DNAAF11: variants seen among roughly 807,000 people sequenced by gnomAD.
DNAAF11 encodes dynein axonemal assembly factor 11.
A neutral mutation model predicts 60.8 loss-of-function variants in DNAAF11; 45 were observed. The ratio of observed to expected loss-of-function variants is 0.74; its 90% CI spans 0.58 to 0.95. DNAAF11 has a LOEUF of 0.95. Ranked by LOEUF, DNAAF11 falls within the 40% of genes least tolerant of loss-of-function variation. The probability of loss-of-function intolerance (pLI) is 0.00; values close to 1 mark genes in which losing one functional copy is unlikely to be tolerated. For synonymous variants in DNAAF11, 191 were observed against 183.5 expected, an observed-to-expected ratio of 1.04 and a Z score of -0.33; for missense variants, 546 against 546.2, an observed-to-expected ratio of 1.00 and a Z score of 0.00.
chr8:132,605,801 GA>G (rs1464240265), intron 10 of DNAAF11, among the ~76,000 whole-genome samples: 3 of 152,126 alleles, frequency 2.0e-5, no homozygotes, highest in Non-Finnish European at 4.4e-5. Context: ...ACATCTTGGG[GA>G]AGGACATTCT....
At chr8:132,640,901 T>C (rs1436687408) in intron 3 of DNAAF11, among the ~76,000 whole-genome samples, 2 of 152,126 alleles carry the variant, frequency 1.3e-5, no homozygotes, top group Non-Finnish European at 2.9e-5. Flanking sequence ...GATAAGAACA[T>C]TTTAAAACAT....
chr8:132,676,498 T>C (rs191299665), upstream of DNAAF11, among the ~76,000 whole-genome samples: 21 of 152,364 alleles, frequency 1.4e-4, no homozygotes, highest in African/African-American at 4.8e-4. Flanking sequence ...TTAAACAGTA[T>C]GGAGTGCGTG....
Position 132,570,761 on chromosome 8 carries a change from C to A in DNAAF11, c.*1545G>T, listed in dbSNP as rs1814106921. Among the ~76,000 whole-genome samples, 1 of 152,224 alleles carries A rather than the reference C, an allele frequency of 6.6e-6. No individual in the cohort carries two copies. Among genetic ancestry groups the A allele is most frequent in the Non-Finnish European group, 1.5e-5 (1 of 68,042 alleles). ...CTGTGTGTCCATCCCATCTTTCTTACCGCAGGCCTGCTGACGAAGGCTGGC... is the reference window on the plus strand; with the variant it reads ...CTGTGTGTCCATCCCATCTTTCTTAACGCAGGCCTGCTGACGAAGGCTGGC... On this transcript the variant is annotated 3_prime_UTR_variant, in exon 12 of 12. Coordinates refer to ENST00000620350, the MANE Select transcript of DNAAF11 (RefSeq NM_012472.6).
At chr8:132,693,603 C>A in the DNAAF11 span, among the ~76,000 whole-genome samples, 152,024 of 152,024 alleles carry the variant, frequency 1, 76,012 homozygotes, top group Non-Finnish European at 1. Context: ...AAGATATAGC[C>A]AACTAATAAA....
At position 132,625,446 on chromosome 8, in the gene DNAAF11, A is replaced by G; in HGVS notation, c.662T>C (p.Leu221Ser). The G allele has an allele frequency of 1.2e-6, 2 of 1,603,686 alleles. No homozygotes were observed. The highest frequency in any genetic ancestry group is 1.7e-4 in the Middle Eastern group (1 of 6,000). ...YTDINATLSS[L>S]ESKDHLQAPD... The stretch of plus-strand genomic sequence containing the variant: ...TGCCTGTAGGTGGTCTTTGCTCTCT[A>G]AAGAGGAACTAGGAAAAACAAATAG... Residue 221 changes from leucine (L) to serine (S), a missense_variant, in exon 6 of 12, where the codon TTA (leucine) becomes TCA (serine). By Grantham distance (145) the Leu-to-Ser change is moderately radical. Transcript: ENST00000620350.
chr8:132,696,843 A>T, the DNAAF11 span, among the ~76,000 whole-genome samples: 18 of 152,192 alleles, frequency 1.2e-4, no homozygotes, highest in African/African-American at 4.3e-4. Context: ...AAATGATGAG[A>T]ACGCATGGAC....
the DNAAF11 span, among the ~76,000 whole-genome samples, chr8:132,701,479 T>C: frequency 1.4e-4 from 22 of 152,286 alleles, 1 homozygote; most frequent in South Asian, 4.1e-3. Flanking sequence ...TGTCTGCCTT[T>C]CTGTTATTCA....
In DNAAF11 at chr8:132,609,386, C is replaced by A. The variant is rs553540915; in HGVS notation, c.1140+780G>T. Among the ~76,000 whole-genome samples the A allele has an allele frequency of 2.7e-5, 4 of 150,424 alleles. No homozygotes were observed. In the South Asian group the frequency reaches 8.4e-4, roughly 32 times the overall value. ...AAAGCCTGTACATGTTCAGTATAGA[C>A]ACACTTCTTTTCCTGAATATTTTTG... On this transcript the variant is annotated intron_variant, in intron 10 of 11. Transcript: ENST00000620350.
chr8:132,696,523 T>C, the DNAAF11 span, among the ~76,000 whole-genome samples: 1 of 152,282 alleles, frequency 6.6e-6, no homozygotes, highest in African/African-American at 2.4e-5. Flanking sequence ...TGTCCATCAA[T>C]TGGTGAATGG....
chr8:132,630,284 T>C (rs770318738), intron 5 of DNAAF11, among the ~76,000 whole-genome samples: 3 of 152,282 alleles, frequency 2.0e-5, no homozygotes, highest in Admixed American at 1.3e-4. Context: ...TATGGAACAG[T>C]CTAGAGAGCT....
At chr8:132,668,507 T>C (rs111825928) in intron 1 of DNAAF11, among the ~76,000 whole-genome samples, 3,296 of 152,156 alleles carry the variant, frequency 0.022, 133 homozygotes, top group African/African-American at 0.075. Context: ...GGCGCGATCT[T>C]GGCTCACTGC....
the DNAAF11 span, among the ~76,000 whole-genome samples, chr8:132,697,291 C>T: frequency 6.6e-6 from 1 of 152,156 alleles, no homozygotes; most frequent in African/African-American, 2.4e-5. Context: ...AAATTGTATA[C>T]TTGAAACAAC....
chr8:132,669,016 A>G (rs73356858), intron 1 of DNAAF11, among the ~76,000 whole-genome samples: 11,350 of 152,174 alleles, frequency 0.075, 1,146 homozygotes, highest in African/African-American at 0.23. Context: ...GGGGCTATAA[A>G]GGCCCAGTTC....
chr8:132,625,251 T>A (rs765196209), intron 6 of DNAAF11, 21 bp downstream of exon 6: 7 of 1,568,674 alleles, frequency 4.5e-6, no homozygotes, highest in Non-Finnish European at 6.1e-6. Flanking sequence ...TGCTTCCCTC[T>A]CCTAGGAAAG....
chr8:132,623,297 A>G (rs1171882620), intron 6 of DNAAF11, among the ~76,000 whole-genome samples: 1 of 152,164 alleles, frequency 6.6e-6, no homozygotes, highest in Non-Finnish European at 1.5e-5. Flanking sequence ...CTCATTACCT[A>G]TTGATTTAGA....
chr8:132,613,906 C>A (rs564595257), intron 8 of DNAAF11, among the ~76,000 whole-genome samples: 2 of 152,316 alleles, frequency 1.3e-5, no homozygotes, highest in African/African-American at 4.8e-5. Context: ...ATAATTCATG[C>A]ATGTAAACAT....
intron 5 of DNAAF11, among the ~76,000 whole-genome samples, chr8:132,630,811 A>AT (rs915403431): frequency 1.8e-4 from 27 of 152,166 alleles, no homozygotes; most frequent in African/African-American, 6.3e-4. Context: ...ATGCAAATTA[A>AT]TTTTTTTAAA....
In DNAAF11 at chr8:132,571,145, A is replaced by C. The variant is rs1814141788; in HGVS notation, c.*1161T>G. Among the ~76,000 whole-genome samples the C allele has an allele frequency of 6.6e-6, 1 of 152,134 alleles. No individual in the cohort carries two copies. The highest frequency in any genetic ancestry group is 1.5e-5 in the Non-Finnish European group (1 of 68,030). On this transcript the variant is annotated 3_prime_UTR_variant, in exon 12 of 12. Transcript: ENST00000620350. ...CCACTGGAAGCCTGTTTAATAGAGA[A>C]AGGCCCTGTCTGAAAAAGCACCCAT...
chr8:132,619,204 A>T (rs1361333827), intron 7 of DNAAF11, among the ~76,000 whole-genome samples: 1 of 152,094 alleles, frequency 6.6e-6, no homozygotes, highest in Non-Finnish European at 1.5e-5. Context: ...AAGAACAAAA[A>T]ACCAAACACC....
Sources: allele counts gnomAD v4.1 joint callset (sites outside exome capture counted in the v4.1 genomes callset), GRCh38; gene constraint gnomAD v4.1.1; transcripts MANE v1.5; gene names NCBI Gene and HGNC (gene_info 2026-07-23, HGNC 2026-07-21).